Variants in NR1H3 observed in about 807,000 individuals in gnomAD.
NR1H3 encodes oxysterols receptor LXR-alpha.
In NR1H3, 19 loss-of-function variants were observed where a neutral mutation model predicts 48.1. The observed-to-expected ratio is 0.40, with a 90% confidence interval of 0.28 to 0.58. The LOEUF (loss-of-function observed/expected upper bound fraction) is 0.58, where lower values mean the gene tolerates loss of function less well. Ranked by LOEUF, NR1H3 falls within the 20% of genes least tolerant of loss-of-function variation. NR1H3 has a pLI of 0.50. For synonymous variants in NR1H3, 232 were observed against 227.3 expected, an observed-to-expected ratio of 1.02 and a Z score of -0.19; for missense variants, 486 against 595.9, an observed-to-expected ratio of 0.82 and a Z score of 1.92.
upstream of NR1H3, among the ~76,000 whole-genome samples, chr11:47,255,730 C>T (rs558286765): frequency 1.3e-5 from 2 of 150,678 alleles, no homozygotes; most frequent in East Asian, 1.9e-4. Flanking sequence ...GGCAATGGCG[C>T]GATCTCGGGT....
Position 47,260,509 on chromosome 11 carries a change from T to C in NR1H3, c.333T>C (p.Asn111=), listed in dbSNP as rs34974176. 6.6e-5 allele frequency: 106 copies of C among 1,614,250 alleles called. 4 individuals are homozygous for C. Among genetic ancestry groups the C allele is most frequent in the East Asian group, 3.3e-4 (15 of 44,884 alleles). Residue 111 remains asparagine, a synonymous_variant, in exon 4 of 10, where the codon AAT becomes AAC. Coordinates refer to ENST00000441012, the MANE Select transcript of NR1H3 (RefSeq NM_005693.4). ...ACAAGGCCTCGGGCTTCCACTACAA[T>C]GTTCTGAGCTGCGAGGGCTGCAAGG... ...CGDKASGFHY[N]VLSCEGCKGF... is the part of the protein sequence containing the mutation.
intron 7 of NR1H3, among the ~76,000 whole-genome samples, chr11:47,265,835 G>T (rs1341801714): frequency 6.6e-6 from 1 of 152,136 alleles, no homozygotes; most frequent in African/African-American, 2.4e-5. Flanking sequence ...TCATGCAACT[G>T]CACTCTAGTC....
chr11:47,264,183 T>C (rs571302011), intron 7 of NR1H3, among the ~76,000 whole-genome samples: 1 of 152,294 alleles, frequency 6.6e-6, no homozygotes, highest in Non-Finnish European at 1.5e-5. Context: ...GGGACTGGAA[T>C]TGAGCTTCAG....
In NR1H3 at chr11:47,261,812, C is replaced by A. The variant is rs1402754601; in HGVS notation, c.888+86C>A. 1.9e-6 allele frequency: 3 copies of A among 1,604,034 alleles called. No individual in the cohort carries two copies. In the South Asian group the frequency reaches 3.3e-5, roughly 18 times the overall value. On this transcript the variant is annotated intron_variant, in intron 6 of 9. Transcript: ENST00000441012. ...CCTCCAGACATCGAGCTGGGAGAGC[C>A]AAATCTGCTGGGAAGCAGGGATGAG... is the stretch of plus-strand genomic sequence containing the variant.
chr11:47,259,400 G>T, intron 2 of NR1H3, 141 bp downstream of exon 2: 1 of 1,578,344 alleles, frequency 6.3e-7, no homozygotes, highest in Non-Finnish European at 8.6e-7. Context: ...CTTGCCTCCC[G>T]CCCAGATCAC....
chr11:47,249,088 A>C, intron 1 of NR1H3: 2 of 1,283,744 alleles, frequency 1.6e-6, no homozygotes, highest in South Asian at 3.0e-5. Context: ...GCTCGGAGAA[A>C]TCCCTTACCA....
chr11:47,253,002 A>G (rs1335459279), upstream of NR1H3, among the ~76,000 whole-genome samples: 1 of 128,692 alleles, frequency 7.8e-6, no homozygotes, highest in African/African-American at 3.0e-5. Context: ...TCTGTCACCC[A>G]GGCTGGAGTG....
upstream of NR1H3, chr11:47,248,865 G>C (rs571913929): frequency 3.2e-6 from 5 of 1,551,056 alleles, no homozygotes; most frequent in Middle Eastern, 1.7e-4. Flanking sequence ...GGACGCACCC[G>C]TAAGGACACA....
At chr11:47,266,562 G>A (rs1167689561) in intron 7 of NR1H3, among the ~76,000 whole-genome samples, 1 of 151,982 alleles carries the variant, frequency 6.6e-6, no homozygotes, top group African/African-American at 2.4e-5. Context: ...TCAAACTCTT[G>A]AGCTCAGGCA....
chr11:47,248,906 T>C, upstream of NR1H3: 1 of 1,541,912 alleles, frequency 6.5e-7, no homozygotes, highest in Non-Finnish European at 8.7e-7. Flanking sequence ...CCATCTTACT[T>C]AGGGACCTGC....
Position 47,268,814 on chromosome 11 carries a change from C to G in NR1H3, c.*118C>G, listed in dbSNP as rs1240596952. ...ATTCCTGGGAGCTGGGCAAGGAGAT[C>G]CTCCCGTGGCATTAAAAGAGAGTCA... is the stretch of plus-strand genomic sequence containing the variant. On this transcript the variant is annotated 3_prime_UTR_variant, in exon 10 of 10. Coordinates refer to ENST00000441012, the MANE Select transcript of NR1H3 (RefSeq NM_005693.4). The G allele has an allele frequency of 2.0e-5, 26 of 1,300,064 alleles. No homozygotes were observed. The highest frequency in any genetic ancestry group is 2.3e-5 in the Non-Finnish European group (22 of 945,938). 80.5% of individuals were successfully genotyped at this position (1,300,064 alleles called of 1,614,324 possible).
rs149370955 is a variant in NR1H3 at position 47,267,986 on chromosome 11, C to G, written c.1062C>G (p.Ala354=). ...TGAATGAGCTGCAACTCAATGATGC[C>G]GAGTTTGCCTTGCTCATTGCTATCA... ...RAMNELQLND[A]EFALLIAISI... The change falls in exon 8 of 10, where the codon GCC becomes GCG. Residue 354 remains alanine, a synonymous_variant. Coordinates refer to ENST00000441012, the MANE Select transcript of NR1H3 (RefSeq NM_005693.4). The G allele has an allele frequency of 1.2e-5, 20 of 1,613,852 alleles. 1 individual carries two copies. In the South Asian group the frequency reaches 2.0e-4, roughly 16 times the overall value.
intron 7 of NR1H3, among the ~76,000 whole-genome samples, chr11:47,265,600 G>C (rs1457379628): frequency 6.6e-6 from 1 of 152,166 alleles, no homozygotes; most frequent in African/African-American, 2.4e-5. Flanking sequence ...TTGACCAGGC[G>C]CGGTGGCTCA....
chr11:47,250,594 T>G (rs192338912), intron 1 of NR1H3: 1 of 152,368 alleles, frequency 6.6e-6, no homozygotes, highest in African/African-American at 2.4e-5. Flanking sequence ...CTTAACCTTC[T>G]TATTTAATCA....
At chr11:47,255,977 A>G (rs186270145), upstream of NR1H3, among the ~76,000 whole-genome samples, 2 of 149,258 alleles carry the variant, frequency 1.3e-5, no homozygotes, top group Admixed American at 1.4e-4. Flanking sequence ...CATGATCTGT[A>G]GTTTCAATCC....
At chr11:47,263,186 A>G (rs1242773009) in intron 7 of NR1H3, among the ~76,000 whole-genome samples, 1 of 151,636 alleles carries the variant, frequency 6.6e-6, no homozygotes, top group East Asian at 1.9e-4. Context: ...AACTCAGTGC[A>G]CTCAACTTTT....
chr11:47,257,852 G>A, upstream of NR1H3: 1 of 983,132 alleles, frequency 1.0e-6, no homozygotes, highest in South Asian at 4.7e-5. Flanking sequence ...CTGGGGAGGA[G>A]CCAGCCTGGT....
intron 7 of NR1H3, among the ~76,000 whole-genome samples, chr11:47,264,578 C>T (rs935864075): frequency 2.6e-5 from 4 of 152,334 alleles, no homozygotes; most frequent in South Asian, 2.1e-4. Context: ...CCTTCTTAAC[C>T]GTGGCTCTCC....
chr11:47,261,243 G>A lies in NR1H3; in HGVS notation c.502G>A (p.Val168Ile). Reference protein sequence around the residue: ...CRQAGMREECVLSEEQIRLKK... With the variant: ...CRQAGMREECILSEEQIRLKK... ...CTCATATTTGGCCCTGTCCTTAGGT[G>A]TCCTGTCAGAAGAACAGATCCGCCT... Residue 168 changes from valine to isoleucine, a missense_variant and splice_region_variant, in exon 5 of 10, where the codon GTC becomes ATC. Transcript: ENST00000441012. The A allele has an allele frequency of 6.2e-7, 1 of 1,604,612 alleles. No homozygotes were observed. Among genetic ancestry groups the A allele is most frequent in the Non-Finnish European group, 8.5e-7 (1 of 1,178,064 alleles).
Sources: allele counts gnomAD v4.1 joint callset (sites outside exome capture counted in the v4.1 genomes callset), GRCh38; gene constraint gnomAD v4.1.1; transcripts MANE v1.5; gene names NCBI Gene and HGNC (gene_info 2026-07-23, HGNC 2026-07-21).